MARCHF1: variants seen among roughly 807,000 people sequenced by gnomAD.
MARCHF1 encodes membrane associated ring-CH-type finger 1.
Under a neutral mutation model 54.2 loss-of-function variants are expected in MARCHF1, and 40 were observed. That is an observed-to-expected ratio of 0.74 (90% CI 0.57 to 0.96). The LOEUF (loss-of-function observed/expected upper bound fraction) is 0.96. Ranked by LOEUF, MARCHF1 falls within the 40% of genes least tolerant of loss-of-function variation. The pLI, the probability that MARCHF1 is intolerant of heterozygous loss-of-function variation, is 0.00. For missense variants in MARCHF1, 586 were observed against 656.5 expected (o/e 0.89, Z 1.17); for synonymous variants, 236 against 236.3 (o/e 1.00, Z 0.01).
At chr4:164,213,967 G>A (rs1731853848) in intron 1 of MARCHF1, among the ~76,000 whole-genome samples, 1 of 151,982 alleles carries the variant, frequency 6.6e-6, no homozygotes, top group Admixed American at 6.6e-5. Flanking sequence ...AAATGCTTGA[G>A]GTGATAGTTA....
intron 1 of MARCHF1, among the ~76,000 whole-genome samples, chr4:164,176,966 CTCTCTCTCTCTCT>C (rs1465612168): frequency 3.6e-4 from 17 of 46,706 alleles, no homozygotes; most frequent in African/African-American, 1.6e-3. Flanking sequence ...CTCTCTCTCT[CTCTCTCTCTCTCT>C]CTATATATAT....
chr4:163,667,985 A>T (rs763897872), intron 5 of MARCHF1, among the ~76,000 whole-genome samples: 16 of 152,162 alleles, frequency 1.1e-4, no homozygotes, highest in Non-Finnish European at 2.2e-4. Flanking sequence ...GAAAAAGCAA[A>T]TTTGGAAAGA....
At chr4:164,382,132 T>A (rs1731387745) in intron 1 of MARCHF1, among the ~76,000 whole-genome samples, 1 of 152,242 alleles carries the variant, frequency 6.6e-6, no homozygotes. Flanking sequence ...ACCATTCATA[T>A]TTAGTAAAGC....
chr4:164,172,980 C>CAAAAA lies in MARCHF1; in HGVS notation c.-322-61323_-322-61319dup, dbSNP rs35995273. Among the ~76,000 whole-genome samples the CAAAAA allele has an allele frequency of 3.0e-4, 38 of 127,762 alleles. 2 individuals are homozygous for CAAAAA. The highest frequency in any genetic ancestry group is 1.2e-3 in the African/African-American group (37 of 31,734). The allele number at this position is 127,762 out of a possible 152,430, so 83.8% of individuals were successfully genotyped here. On this transcript the variant is annotated intron_variant, in intron 1 of 9. Coordinates refer to ENST00000514618, the MANE Select transcript of MARCHF1 (RefSeq NM_001394959.1). The stretch of plus-strand genomic sequence containing the variant: ...TGGGCTACAGAGCGAGACTCCGTCT[C>CAAAAA]AAAAAAAAAAAAAAAAGTCACTGTA...
At chr4:164,277,691 T>C (rs1447532348) in intron 1 of MARCHF1, among the ~76,000 whole-genome samples, 1 of 152,242 alleles carries the variant, frequency 6.6e-6, no homozygotes, top group Non-Finnish European at 1.5e-5. Context: ...CAACATGTAC[T>C]TCATACAGCA....
intron 7 of MARCHF1, among the ~76,000 whole-genome samples, chr4:163,599,814 A>G (rs975705040): frequency 9.2e-5 from 14 of 152,214 alleles, no homozygotes; most frequent in Non-Finnish European, 7.3e-5. Flanking sequence ...CTACTAGTCC[A>G]GGGACTCTAC....
chr4:164,068,383 G>A (rs1277503872), intron 2 of MARCHF1, among the ~76,000 whole-genome samples: 3 of 152,258 alleles, frequency 2.0e-5, no homozygotes, highest in East Asian at 1.9e-4. Context: ...TCAGCTTGCG[G>A]GGAGGTGTGG....
chr4:163,583,666 T>TTTTTTTTGG (rs1740310671), intron 8 of MARCHF1: 3 of 139,814 alleles, frequency 2.1e-5, no homozygotes, highest in African/African-American at 2.7e-5. Flanking sequence ...TTTTTTTTTT[T>TTTTTTTTGG]GGAGACAAAG....
intron 1 of MARCHF1, among the ~76,000 whole-genome samples, chr4:164,152,711 G>C (rs540086188): frequency 1.9e-4 from 29 of 152,044 alleles, no homozygotes; most frequent in Admixed American, 5.2e-4. Flanking sequence ...TTTACAACCT[G>C]CTCTTCTCTA....
At chr4:163,849,774 T>C (rs1308298533) in intron 4 of MARCHF1, among the ~76,000 whole-genome samples, 3 of 152,130 alleles carry the variant, frequency 2.0e-5, no homozygotes, top group East Asian at 1.9e-4. Context: ...TTTTTTTTGT[T>C]TTTGGTTGGA....
intron 2 of MARCHF1, among the ~76,000 whole-genome samples, chr4:164,099,699 G>A (rs962986952): frequency 1.3e-5 from 2 of 152,020 alleles, no homozygotes; most frequent in Non-Finnish European, 1.5e-5. Flanking sequence ...AAAAACAAAT[G>A]AGAGTTTGTC....
At chr4:163,538,200 TG>T (rs569043844) in intron 9 of MARCHF1, among the ~76,000 whole-genome samples, 138 of 152,286 alleles carry the variant, frequency 9.1e-4, no homozygotes, top group African/African-American at 3.2e-3. Context: ...TCTAGACTCT[TG>T]GGAGTCTGAC....
intron 4 of MARCHF1, among the ~76,000 whole-genome samples, chr4:163,728,464 T>C (rs562940717): frequency 7.9e-5 from 12 of 152,356 alleles, no homozygotes; most frequent in African/African-American, 2.6e-4. Flanking sequence ...TCCTCTTTGA[T>C]TTCTTTTCGT....
chr4:163,562,540 C>G (rs1438237602), intron 8 of MARCHF1, among the ~76,000 whole-genome samples: 2 of 152,126 alleles, frequency 1.3e-5, no homozygotes, highest in African/African-American at 4.8e-5. Flanking sequence ...CTCTACTTGC[C>G]CCTGCCCCTC....
rs146822815 is a variant in MARCHF1 at position 164,007,800 on chromosome 4, C to T, written c.-247-19091G>A. On this transcript the variant is annotated intron_variant, in intron 2 of 9. Coordinates refer to ENST00000514618, the MANE Select transcript of MARCHF1 (RefSeq NM_001394959.1). Reference sequence around the variant, plus strand: ...ATTTTTGTAACCCTTGTGGTAAGCACGGCACAAAAACTTATAATGGATTCA... The same window carrying T: ...ATTTTTGTAACCCTTGTGGTAAGCATGGCACAAAAACTTATAATGGATTCA... 9.6e-4 allele frequency among the ~76,000 whole-genome samples: 145 copies of T among 151,566 alleles called. 1 individual carries two copies. The highest frequency in any genetic ancestry group is 3.3e-3 in the African/African-American group (135 of 41,276).
At chr4:164,372,905 T>C (rs920030162) in intron 1 of MARCHF1, among the ~76,000 whole-genome samples, 67 of 152,276 alleles carry the variant, frequency 4.4e-4, no homozygotes, top group African/African-American at 1.3e-3. Flanking sequence ...GTAGTAGTGA[T>C]AGTGGTGGCC....
At chr4:163,815,893 T>A (rs1748519510) in intron 4 of MARCHF1, among the ~76,000 whole-genome samples, 1 of 152,192 alleles carries the variant, frequency 6.6e-6, no homozygotes, top group African/African-American at 2.4e-5. Context: ...ATAGCATACA[T>A]CTTTTTCAAT....
intron 4 of MARCHF1, among the ~76,000 whole-genome samples, chr4:163,715,919 T>C (rs1293457002): frequency 2.0e-5 from 3 of 152,170 alleles, no homozygotes. Flanking sequence ...TATAATAATA[T>C]AGTTCAGGAA....
intron 1 of MARCHF1, among the ~76,000 whole-genome samples, chr4:164,181,119 C>A (rs1392364851): frequency 6.6e-6 from 1 of 152,090 alleles, no homozygotes; most frequent in African/African-American, 2.4e-5. Context: ...GTCCCCATTG[C>A]CTCTCCCACT....
Sources: gnomAD v4.1 joint callset for allele counts (sites outside exome capture counted in the v4.1 genomes callset) on GRCh38, gnomAD v4.1.1 for gene constraint, MANE v1.5 for transcripts, NCBI Gene and HGNC (gene_info 2026-07-23, HGNC 2026-07-21) for gene names.